Variants in LLGL1 observed in about 807,000 individuals in gnomAD.
LLGL1 encodes LLGL scribble cell polarity complex component 1.
LLGL1 carries 58 observed loss-of-function variants against 110.6 expected under a neutral mutation model. The observed-to-expected ratio is 0.52, with a 90% CI of 0.42 to 0.65. The LOEUF (loss-of-function observed/expected upper bound fraction) is 0.65. LLGL1 is among the 30% of genes least tolerant of loss of function. The pLI is 0.00. For synonymous variants in LLGL1, 674 were observed against 607.2 expected, an observed-to-expected ratio of 1.11 and a Z score of -1.62; for missense variants, 1,229 against 1,462.1, an observed-to-expected ratio of 0.84 and a Z score of 2.60.
intron 7 of LLGL1, 113 bp from the exon 8 acceptor site, chr17:18,234,536 C>T: frequency 1.3e-6 from 2 of 1,576,360 alleles, no homozygotes; most frequent in Non-Finnish European, 1.7e-6. Flanking sequence ...CCGCCGACTT[C>T]CCGGGGAGGC....
chr17:18,240,773 G>A lies in LLGL1; in HGVS notation c.2402G>A (p.Arg801His), dbSNP rs777531176. 43 of 1,604,612 alleles carry A rather than the reference G, an allele frequency of 2.7e-5. No homozygotes were observed. Among genetic ancestry groups the A allele is most frequent in the African/African-American group, 5.4e-5 (4 of 74,668 alleles). ...VAIAVLDGRG[R>H]PLPEPYEASR... The stretch of plus-strand genomic sequence containing the variant: ...ATTGCCGTGTTGGACGGGCGTGGCC[G>A]CCCACTGCCCGAGCCCTACGAGGCC... The change falls in exon 17 of 23, where the codon CGC (arginine) becomes CAC (histidine). Residue 801 changes from arginine to histidine, a missense_variant. Arg to His is a conservative substitution (Grantham distance 29). Coordinates refer to ENST00000316843, the MANE Select transcript of LLGL1 (RefSeq NM_004140.4). This position sits in a 1 kb window ranked among gnomAD's most constrained non-coding sequence, Gnocchi z 5.3.
At chr17:18,235,634 C>A in intron 11 of LLGL1, 97 bp downstream of exon 11, 1 of 1,226,110 alleles carries the variant, frequency 8.2e-7, no homozygotes, top group Non-Finnish European at 1.2e-6. Context: ...GAGACTCAGG[C>A]CTGGCCCCTG....
At position 18,234,403 on chromosome 17, in the gene LLGL1, C is replaced by T. The variant is rs1296351196; in HGVS notation, c.845C>T (p.Pro282Leu). Residue 282 changes from proline to leucine, a missense_variant, in exon 7 of 23, where the codon CCT (proline) becomes CTT (leucine). By Grantham distance (98) the Pro-to-Leu change is moderately conservative. Transcript: ENST00000316843. Reference sequence around the variant, plus strand: ...CTGCAGCCCACGGTAGCCACCACACCTTACGGTGAGTGCTGGGGACACCTT... The same window carrying T: ...CTGCAGCCCACGGTAGCCACCACACTTTACGGTGAGTGCTGGGGACACCTT... ...PTLQPTVATT[P>L]YGPFPCKAIN... 2 of 1,612,580 alleles carry T rather than the reference C, an allele frequency of 1.2e-6. No individual in the cohort carries two copies. Among genetic ancestry groups the T allele is most frequent in the East Asian group, 2.2e-5 (1 of 44,874 alleles).
At chr17:18,235,746 G>A in intron 11 of LLGL1, 9 of 584,750 alleles carry the variant, frequency 1.5e-5, no homozygotes, top group Non-Finnish European at 2.7e-5. Context: ...GCCTGGAACT[G>A]AGCTCTACCA....
At position 18,229,223 on chromosome 17, in the gene LLGL1, C is replaced by T. The variant is rs1279868784; in HGVS notation, c.82-718C>T. ...GTGTGCTGTGAAAGGGGCAGGGGAG[C>T]GGGTGGGGAGCTGTTTCATCGACAC... is the stretch of plus-strand genomic sequence containing the variant. On this transcript the variant is annotated intron_variant, in intron 1 of 22. Transcript: ENST00000316843. Among the ~76,000 whole-genome samples, 6 of 151,916 alleles carry T rather than the reference C, an allele frequency of 3.9e-5. No individual in the cohort carries two copies. In the South Asian group the frequency reaches 1.0e-3, roughly 26 times the overall value.
At position 18,235,640 on chromosome 17, in the gene LLGL1, C is replaced by G. The variant is rs575142503; in HGVS notation, c.1352+103C>G. 1.7e-5 allele frequency: 20 copies of G among 1,146,196 alleles called. No individual in the cohort carries two copies. The East Asian group carries it at 4.8e-4, about 27-fold the overall frequency. 71.0% of individuals were successfully genotyped at this position (1,146,196 alleles called of 1,614,324 possible). On this transcript the variant is annotated intron_variant, in intron 11 of 22. Coordinates refer to ENST00000316843, the MANE Select transcript of LLGL1 (RefSeq NM_004140.4). ...AGGTGCCAGGAGACTCAGGCCTGGC[C>G]CCTGGTGGGACCAGGTAGTTCCTCC... is the stretch of plus-strand genomic sequence containing the variant.
Position 18,235,152 on chromosome 17 carries a change from A to G in LLGL1, c.1124A>G (p.Gln375Arg). The change falls in exon 10 of 23, where the codon CAG becomes CGG. Residue 375 changes from glutamine (Q) to arginine (R), a missense_variant. Transcript: ENST00000316843. ...LEEELVVLDLQTPGWPAVPAP... is the reference protein window; with the variant it reads ...LEEELVVLDLRTPGWPAVPAP... ...GAGGAGCTGGTGGTGCTGGACCTGC[A>G]GACTCCTGGCTGGCCAGCTGTGCCT... The G allele has an allele frequency of 6.2e-7, 1 of 1,613,546 alleles. No homozygotes were observed. Among genetic ancestry groups the G allele is most frequent in the Non-Finnish European group, 8.5e-7 (1 of 1,180,024 alleles).
rs1289558675 is a variant in LLGL1, at chr17:18,240,826, A to T, written c.2455A>T (p.Met819Leu). The part of the protein sequence containing the change: ...ASRDLAQAPD[M>L]QGGHAVLIAS... ...ACGGGACCTGGCGCAGGCACCTGACATGCAGGGTGGTCACGCTGTGCTCAT... is the reference window on the plus strand; with the variant it reads ...ACGGGACCTGGCGCAGGCACCTGACTTGCAGGGTGGTCACGCTGTGCTCAT... Residue 819 changes from methionine (M) to leucine (L), a missense_variant, in exon 17 of 23, where the codon ATG (methionine) becomes TTG (leucine). Met to Leu is a conservative substitution (Grantham distance 15). Coordinates refer to ENST00000316843, the MANE Select transcript of LLGL1 (RefSeq NM_004140.4). The surrounding 1 kb of genome is among the most constrained non-coding windows in gnomAD (Gnocchi z 5.3). 5 of 1,569,412 alleles carry T rather than the reference A, an allele frequency of 3.2e-6. No individual in the cohort carries two copies. The Admixed American group carries it at 9.2e-5, about 29-fold the overall frequency.
In LLGL1 at chr17:18,242,241, T is replaced by C. The variant is rs751553957; in HGVS notation, c.2958T>C (p.Leu986=). The change falls in exon 20 of 23, where the codon CTT becomes CTC. Residue 986 remains leucine, a synonymous_variant. Transcript: ENST00000316843. ...TPSILLAPQS[L]DGSPDPAHSM... is the part of the protein sequence containing the mutation. ...GCATCCTGCTGGCCCCACAGAGCCT[T>C]GATGGAAGCCCTGATCCAGCCCACA... is the stretch of plus-strand genomic sequence containing the variant. The C allele has an allele frequency of 6.2e-7, 1 of 1,613,950 alleles. No homozygotes were observed. Among genetic ancestry groups the C allele is most frequent in the East Asian group, 2.2e-5 (1 of 44,864 alleles).
Position 18,228,775 on chromosome 17 carries a change from C to T in LLGL1, c.82-1166C>T, listed in dbSNP as rs115937337. 8.8e-3 allele frequency among the ~76,000 whole-genome samples: 1,334 copies of T among 152,160 alleles called. 18 individuals are homozygous for T. Among genetic ancestry groups the T allele is most frequent in the African/African-American group, 0.025 (1,021 of 41,512 alleles). ...TGGGAGAGAGAAGCCCCAGCCAAAT[C>T]GCCAACTCTGTCCTTAGGTGGGCTT... is the stretch of plus-strand genomic sequence containing the variant. On this transcript the variant is annotated intron_variant, in intron 1 of 22. Transcript: ENST00000316843.
At position 18,240,064 on chromosome 17, in the gene LLGL1, C is replaced by T. The variant is rs572647294; in HGVS notation, c.2207-514C>T. Among the ~76,000 whole-genome samples the T allele has an allele frequency of 5.3e-5, 8 of 152,186 alleles. No individual in the cohort carries two copies. The highest frequency in any genetic ancestry group is 1.7e-4 in the African/African-American group (7 of 41,526). ...TCGTCCTAGGTGTCCCCAGGCTTGG[C>T]GGCTTCCTCTGGCTGCCACGTAGGG... On this transcript the variant is annotated intron_variant, in intron 16 of 22. Coordinates refer to ENST00000316843, the MANE Select transcript of LLGL1 (RefSeq NM_004140.4). This position sits in a 1 kb window ranked among gnomAD's most constrained non-coding sequence, Gnocchi z 5.3.
rs529079981 is a variant in LLGL1, at chr17:18,230,428, A to G, written c.179+390A>G. Reference sequence around the variant, plus strand: ...GGGGCCCTGGTGAGCTGATGCACACATGTGTGAATGTGAAGACACATGTGT... The same window carrying G: ...GGGGCCCTGGTGAGCTGATGCACACGTGTGTGAATGTGAAGACACATGTGT... On this transcript the variant is annotated intron_variant, in intron 2 of 22. Transcript: ENST00000316843. Among the ~76,000 whole-genome samples the G allele has an allele frequency of 7.2e-5, 11 of 152,238 alleles. No homozygotes were observed. The East Asian group carries it at 2.1e-3, about 29-fold the overall frequency.
chr17:18,242,858 G>A (rs1048114172), intron 22 of LLGL1, 36 bp downstream of exon 22: 2 of 1,518,670 alleles, frequency 1.3e-6, no homozygotes, highest in Admixed American at 2.1e-5. Flanking sequence ...CTCACCACTG[G>A]TGACGTCCAC....
Position 18,236,685 on chromosome 17 carries a change from C to T in LLGL1, c.1431C>T (p.Gly477=), listed in dbSNP as rs2047701880. ...LRPLYKLSTA[G]LFQTDCEHAD... is the part of the protein sequence containing the mutation. ...CGCTCTATAAGCTGAGCACAGCTGG[C>T]CTCTTCCAGACAGACTGTGAGCACG... The change falls in exon 12 of 23, where the codon GGC becomes GGT. Residue 477 remains glycine, a synonymous_variant. Coordinates refer to ENST00000316843, the MANE Select transcript of LLGL1 (RefSeq NM_004140.4). 1.9e-6 allele frequency: 3 copies of T among 1,612,776 alleles called. No homozygotes were observed. Among genetic ancestry groups the T allele is most frequent in the African/African-American group, 1.3e-5 (1 of 75,040 alleles).
chr17:18,241,707 A>G lies in LLGL1; in HGVS notation c.2759A>G (p.His920Arg), dbSNP rs1258609297. 1.2e-6 allele frequency: 2 copies of G among 1,612,926 alleles called. No homozygotes were observed. Among genetic ancestry groups the G allele is most frequent in the South Asian group, 1.1e-5 (1 of 91,074 alleles). The change falls in exon 18 of 23, where the codon CAT (histidine) becomes CGT (arginine). Residue 920 changes from histidine (H) to arginine (R), a missense_variant. Physicochemically the swap from His to Arg is conservative, Grantham distance 29. Transcript: ENST00000316843. ...SGIASCVFTR[H>R]GQGFYLISPS... Reference sequence around the variant, plus strand: ...ATCGCTTCGTGCGTCTTTACGCGCCATGGCCAGGGTGAGGCGGGGCAGAGG... The same window carrying G: ...ATCGCTTCGTGCGTCTTTACGCGCCGTGGCCAGGGTGAGGCGGGGCAGAGG...
intron 2 of LLGL1, among the ~76,000 whole-genome samples, 181 bp from the exon 3 acceptor site, chr17:18,232,314 T>G (rs1409888279): frequency 6.6e-6 from 1 of 152,218 alleles, no homozygotes; most frequent in Non-Finnish European, 1.5e-5. Context: ...TTGGGGATAC[T>G]GTAGGGGTGC....
At chr17:18,228,327 C>T (rs184040424) in intron 1 of LLGL1, among the ~76,000 whole-genome samples, 57 of 152,292 alleles carry the variant, frequency 3.7e-4, no homozygotes, top group African/African-American at 1.3e-3. Flanking sequence ...GGAGGAAGTG[C>T]GTTCCAGGCA....
chr17:18,235,317 G>A lies in LLGL1; in HGVS notation c.1284+5G>A. On this transcript the variant is annotated splice_donor_5th_base_variant and intron_variant, in intron 10 of 22. Transcript: ENST00000316843. ...CAGCCTGTCTCCAGTGCCTTGGTGT[G>A]TGCGGCGATCAGGGGGGTCTTACAG... The A allele has an allele frequency of 1.2e-6, 2 of 1,610,078 alleles. No individual in the cohort carries two copies. Among genetic ancestry groups the A allele is most frequent in the Non-Finnish European group, 1.7e-6 (2 of 1,179,622 alleles).
intron 11 of LLGL1, chr17:18,236,334 T>C: frequency 2.2e-6 from 1 of 464,132 alleles, no homozygotes; most frequent in East Asian, 3.9e-5. Flanking sequence ...CATGTCCCCC[T>C]TTGCCACCTC....
Sources: gnomAD v4.1 joint callset for allele counts (sites outside exome capture counted in the v4.1 genomes callset) on GRCh38, gnomAD v4.1.1 for gene constraint, Gnocchi (gnomAD v3.1) non-coding constraint, MANE v1.5 for transcripts, NCBI Gene and HGNC (gene_info 2026-07-23, HGNC 2026-07-21) for gene names.